CARMIL2: variants seen among roughly 807,000 people sequenced by gnomAD.
CARMIL2 encodes capping protein, Arp2/3 and myosin-I linker protein 2.
Under a neutral mutation model 173.3 loss-of-function variants are expected in CARMIL2, and 96 were observed. The ratio of observed to expected loss-of-function variants is 0.55; its 90% CI spans 0.47 to 0.66. CARMIL2 has a LOEUF of 0.66. Among genes scored for constraint, CARMIL2 ranks in the 30% least tolerant of loss-of-function variants. CARMIL2 has a pLI of 0.00. For missense variants in CARMIL2, 1,771 were observed against 1,906.7 expected, an observed-to-expected ratio of 0.93 and a Z score of 1.33; for synonymous variants, 830 against 817.1, an observed-to-expected ratio of 1.02 and a Z score of -0.27.
intron 22 of CARMIL2, chr16:67,650,412 TC>T (rs2052702270): frequency 1.8e-6 from 1 of 541,150 alleles, no homozygotes. Flanking sequence ...TCCTCAATTT[TC>T]CCCCAATTGT....
intron 32 of CARMIL2, among the ~76,000 whole-genome samples, chr16:67,655,548 G>A (rs368211416): frequency 2.0e-5 from 3 of 152,256 alleles, no homozygotes; most frequent in African/African-American, 4.8e-5. Context: ...GCCCTGTGGG[G>A]TCTTGGCCCT....
rs538577813 is a variant in CARMIL2 at position 67,645,318 on chromosome 16, G to A, written c.40+32G>A. ...GCTGGCCCTTCCTGCCTTCTTGGCC[G>A]GGAGGAAGTAGTGCAGCCCCAAAAT... On this transcript the variant is annotated intron_variant, in intron 1 of 37. Transcript: ENST00000334583. The A allele has an allele frequency of 5.9e-5, 93 of 1,587,728 alleles. No homozygotes were observed. In the African/African-American group the frequency reaches 1.0e-3, roughly 18 times the overall value.
Position 67,649,028 on chromosome 16 carries a change from A to G in CARMIL2, c.1592-48A>G, listed in dbSNP as rs1276931571. 6.2e-7 allele frequency: 1 copy of G among 1,602,880 alleles called. No homozygotes were observed. The highest frequency in any genetic ancestry group is 1.1e-5 in the South Asian group (1 of 89,120). On this transcript the variant is annotated intron_variant, in intron 17 of 37. Transcript: ENST00000334583. This position sits in a 1 kb window ranked among gnomAD's most constrained non-coding sequence, Gnocchi z 6.7. ...ATCATCCACTCGATTCCCAATCCCC[A>G]CCCTACCCTTGCAACTTCGCCTCGT...
rs748947520 is a variant in CARMIL2, at chr16:67,646,904, T to A, written c.542T>A (p.Val181Glu). Residue 181 changes from valine (V) to glutamate (E), a missense_variant, in exon 8 of 38, where the codon GTG becomes GAG. Physicochemically the swap from Val to Glu is moderately radical, Grantham distance 121 (BLOSUM62 -2). Transcript: ENST00000334583. This position sits in a 1 kb window ranked among gnomAD's most constrained non-coding sequence, Gnocchi z 4.6. ...FPFREEIQWD[V>E]DTIYHRQGCR... ...AAGCATCTCCTTCTCACCCAGGACGTGGACACCATTTACCATCGCCAGGGC... is the reference window on the plus strand; with the variant it reads ...AAGCATCTCCTTCTCACCCAGGACGAGGACACCATTTACCATCGCCAGGGC... 5 of 1,613,776 alleles carry A rather than the reference T, an allele frequency of 3.1e-6. No homozygotes were observed. The highest frequency in any genetic ancestry group is 3.4e-6 in the Non-Finnish European group (4 of 1,179,884).
chr16:67,653,073 C>G lies in CARMIL2; in HGVS notation c.2939C>G (p.Ala980Gly). 8.0e-7 allele frequency: 1 copy of G among 1,249,342 alleles called. No homozygotes were observed. Among genetic ancestry groups the G allele is most frequent in the South Asian group, 1.6e-5 (1 of 63,038 alleles). The allele number at this position is 1,249,342 out of a possible 1,614,324, so 77.4% of individuals were successfully genotyped here. The change falls in exon 29 of 38, where the codon GCA becomes GGA. Residue 980 changes from alanine to glycine, a missense_variant. By Grantham distance (60) the Ala-to-Gly change is moderately conservative (BLOSUM62 0). This residue lies in a region of CARMIL2 where 817 missense variants were observed against 903.5 expected (regional missense o/e 0.90). Transcript: ENST00000334583. This position sits in a 1 kb window ranked among gnomAD's most constrained non-coding sequence, Gnocchi z 7.4. ...EPELAAPGED[A>G]EPQAGPSARG... ...GAGCTGGCGGCTCCGGGAGAAGATG[C>G]AGAGCCGCAGGCGGGGCCGTCCGCG... is the stretch of plus-strand genomic sequence containing the variant.
Position 67,647,343 on chromosome 16 carries a change from A to G in CARMIL2, c.732A>G (p.Ser244=), listed in dbSNP as rs1412579728. ...SEQILHMMSQ[S]SHLEELVLET... is the part of the protein sequence containing the mutation. Reference sequence around the variant, plus strand: ...AGATTCTGCACATGATGAGTCAGTCATCACACCTGGAGGAGCTGGTGCTGG... The same window carrying G: ...AGATTCTGCACATGATGAGTCAGTCGTCACACCTGGAGGAGCTGGTGCTGG... The change falls in exon 10 of 38, where the codon TCA becomes TCG. Residue 244 remains serine (S), a synonymous_variant. Coordinates refer to ENST00000334583, the MANE Select transcript of CARMIL2 (RefSeq NM_001013838.3). 6.3e-7 allele frequency: 1 copy of G among 1,589,864 alleles called. No individual in the cohort carries two copies.
Position 67,652,407 on chromosome 16 carries a change from T to A in CARMIL2, c.2818-65T>A. On this transcript the variant is annotated intron_variant, in intron 27 of 37. Coordinates refer to ENST00000334583, the MANE Select transcript of CARMIL2 (RefSeq NM_001013838.3). This position sits in a 1 kb window ranked among gnomAD's most constrained non-coding sequence, Gnocchi z 4.7. ...CCATCTTGCTGTGGAGTGTGGAAGG[T>A]GAAAGGCAGCTCTTTTGGGTTGGTG... is the stretch of plus-strand genomic sequence containing the variant. 1.2e-6 allele frequency: 2 copies of A among 1,611,492 alleles called. No homozygotes were observed. Among genetic ancestry groups the A allele is most frequent in the South Asian group, 2.2e-5 (2 of 90,860 alleles).
At position 67,652,139 on chromosome 16, in the gene CARMIL2, A is replaced by T; in HGVS notation, c.2677-60A>T. 1 of 1,599,482 alleles carries T rather than the reference A, an allele frequency of 6.3e-7. No homozygotes were observed. ...GGGCTATTTCAGGGTCCCCTTAGTT[A>T]GCATCAATGGGATCATGGCTGAGGC... On this transcript the variant is annotated intron_variant, in intron 26 of 37. Transcript: ENST00000334583. The surrounding 1 kb of genome is among the most constrained non-coding windows in gnomAD (Gnocchi z 4.7).
Position 67,652,404 on chromosome 16 carries a change from A to C in CARMIL2, c.2817+65A>C. On this transcript the variant is annotated intron_variant, in intron 27 of 37. Transcript: ENST00000334583. The surrounding 1 kb of genome is among the most constrained non-coding windows in gnomAD (Gnocchi z 4.7). ...TTCCCATCTTGCTGTGGAGTGTGGA[A>C]GGTGAAAGGCAGCTCTTTTGGGTTG... 1 of 1,611,726 alleles carries C rather than the reference A, an allele frequency of 6.2e-7. No homozygotes were observed. The highest frequency in any genetic ancestry group is 2.2e-5 in the East Asian group (1 of 44,840).
chr16:67,649,410 C>T lies in CARMIL2; in HGVS notation c.1747-37C>T, dbSNP rs769951445. On this transcript the variant is annotated intron_variant, in intron 19 of 37. Coordinates refer to ENST00000334583, the MANE Select transcript of CARMIL2 (RefSeq NM_001013838.3). This position sits in a 1 kb window ranked among gnomAD's most constrained non-coding sequence, Gnocchi z 6.7. ...CCCTGTGACCTGCCCTCACTGACCC[C>T]TGACTCCAGCCATCAATGGCTTTCT... 4 of 1,611,408 alleles carry T rather than the reference C, an allele frequency of 2.5e-6. No homozygotes were observed. The highest frequency in any genetic ancestry group is 3.4e-6 in the Non-Finnish European group (4 of 1,179,758).
Position 67,652,313 on chromosome 16 carries a change from G to A in CARMIL2, c.2791G>A (p.Glu931Lys), listed in dbSNP as rs544310122. The A allele has an allele frequency of 1.9e-6, 3 of 1,613,144 alleles. No individual in the cohort carries two copies. Among genetic ancestry groups the A allele is most frequent in the Admixed American group, 1.7e-5 (1 of 60,008 alleles). Residue 931 changes from glutamate (E) to lysine (K), a missense_variant, in exon 27 of 38, where the codon GAG (glutamate) becomes AAG (lysine). Physicochemically the swap from Glu to Lys is moderately conservative, Grantham distance 56. This residue lies in a region of CARMIL2 where 817 missense variants were observed against 903.5 expected (regional missense o/e 0.90). Coordinates refer to ENST00000334583, the MANE Select transcript of CARMIL2 (RefSeq NM_001013838.3). This position sits in a 1 kb window ranked among gnomAD's most constrained non-coding sequence, Gnocchi z 4.7. ...PGELEGLFFP[E>K]EKEEEKEKDD... ...GGAATTGGAAGGTCTTTTCTTCCCCGAGGAGAAGGAAGAGGAGAAGGAGAA... is the reference window on the plus strand; with the variant it reads ...GGAATTGGAAGGTCTTTTCTTCCCCAAGGAGAAGGAAGAGGAGAAGGAGAA...
chr16:67,650,212 C>G, intron 22 of CARMIL2, 62 bp downstream of exon 22: 1 of 1,403,580 alleles, frequency 7.1e-7, no homozygotes, highest in Non-Finnish European at 9.8e-7. Context: ...CATCCGGGAG[C>G]CTCCATGAGT....
Position 67,646,050 on chromosome 16 carries a change from G to A in CARMIL2, c.219G>A (p.Gln73=). The change falls in exon 4 of 38, where the codon CAG becomes CAA. Residue 73 remains glutamine, a synonymous_variant. Transcript: ENST00000334583. This position sits in a 1 kb window ranked among gnomAD's most constrained non-coding sequence, Gnocchi z 4.6. The part of the protein sequence containing the change: ...VDCTFSYLEV[Q]AMALQETPPQ... ...GCACGTTCAGCTACCTGGAGGTCCAGGCCATGGCGCTGCAGGAGACACCCC... is the reference window on the plus strand; with the variant it reads ...GCACGTTCAGCTACCTGGAGGTCCAAGCCATGGCGCTGCAGGAGACACCCC... The A allele has an allele frequency of 6.2e-7, 1 of 1,613,790 alleles. No homozygotes were observed. Among genetic ancestry groups the A allele is most frequent in the Non-Finnish European group, 8.5e-7 (1 of 1,179,884 alleles).
chr16:67,645,300 C>A lies in CARMIL2; in HGVS notation c.40+14C>A, dbSNP rs1249566288. The A allele has an allele frequency of 1.9e-6, 3 of 1,601,070 alleles. No homozygotes were observed. The highest frequency in any genetic ancestry group is 2.6e-6 in the Non-Finnish European group (3 of 1,174,426). ...GTGAGCTCCGAGGTAAGCGCTGGCC[C>A]TTCCTGCCTTCTTGGCCGGGAGGAA... On this transcript the variant is annotated intron_variant, in intron 1 of 37. Coordinates refer to ENST00000334583, the MANE Select transcript of CARMIL2 (RefSeq NM_001013838.3).
chr16:67,654,988 CAGAT>C, intron 32 of CARMIL2, 88 bp downstream of exon 32: 3 of 1,502,164 alleles, frequency 2.0e-6, no homozygotes, highest in East Asian at 2.3e-5. Flanking sequence ...AGACTCATGA[CAGAT>C]AGGTCTAATT....
At position 67,653,887 on chromosome 16, in the gene CARMIL2, G is replaced by A. The variant is rs1488219773; in HGVS notation, c.3121-262G>A. ...GAGGGCTAGGTTTGCTGGTGACCGG[G>A]TGGCTCGGGCGTGTAGGATACTCTG... On this transcript the variant is annotated intron_variant, in intron 29 of 37. Transcript: ENST00000334583. The surrounding 1 kb of genome is among the most constrained non-coding windows in gnomAD (Gnocchi z 7.4). 6.6e-6 allele frequency among the ~76,000 whole-genome samples: 1 copy of A among 152,138 alleles called. No individual in the cohort carries two copies. Among genetic ancestry groups the A allele is most frequent in the Non-Finnish European group, 1.5e-5 (1 of 68,004 alleles).
In CARMIL2 at chr16:67,647,172, C is replaced by G. The variant is rs1274384597; in HGVS notation, c.668C>G (p.Ser223Cys). 5 of 1,613,878 alleles carry G rather than the reference C, an allele frequency of 3.1e-6. No individual in the cohort carries two copies. Among genetic ancestry groups the G allele is most frequent in the Non-Finnish European group, 4.2e-6 (5 of 1,179,880 alleles). ...LSYNLWFRCL[S>C]CVDMKLSLEV... is the part of the protein sequence containing the mutation. The stretch of plus-strand genomic sequence containing the variant: ...TACAACCTGTGGTTCCGGTGCCTCT[C>G]CTGTGTGGACATGAAGCTGGTGAGG... Residue 223 changes from serine (S) to cysteine (C), a missense_variant, in exon 9 of 38, where the codon TCC (serine) becomes TGC (cysteine). Around this residue, in one of 3 missense-constraint regions of CARMIL2, gnomAD observed 944 missense variants for 975.6 expected, o/e 0.97. Coordinates refer to ENST00000334583, the MANE Select transcript of CARMIL2 (RefSeq NM_001013838.3).
chr16:67,645,908 C>A, intron 3 of CARMIL2, 110 bp from the exon 4 acceptor site: 1 of 1,557,432 alleles, frequency 6.4e-7, no homozygotes, highest in Non-Finnish European at 8.8e-7. Flanking sequence ...GGGCAGCCGA[C>A]AGGAGGGGAG....
In CARMIL2 at chr16:67,649,930, C is replaced by G. The variant is rs779829689; in HGVS notation, c.2044C>G (p.Arg682Gly). ...LPLNDVAQAQ[R>G]SRPELTARAV... ...ACTGAACGACGTGGCCCAGGCGCAG[C>G]GCAGCCGCCCGGAACTGACAGCACG... The change falls in exon 21 of 38, where the codon CGC (arginine) becomes GGC (glycine). Residue 682 changes from arginine (R) to glycine (G), a missense_variant. Physicochemically the swap from Arg to Gly is moderately radical, Grantham distance 125. Around this residue, in one of 3 missense-constraint regions of CARMIL2, gnomAD observed 944 missense variants for 975.6 expected, o/e 0.97. Transcript: ENST00000334583. This position sits in a 1 kb window ranked among gnomAD's most constrained non-coding sequence, Gnocchi z 6.7. The G allele has an allele frequency of 2.8e-5, 45 of 1,613,086 alleles. No individual in the cohort carries two copies. The highest frequency in any genetic ancestry group is 3.6e-5 in the Non-Finnish European group (42 of 1,179,830).
Sources: allele counts gnomAD v4.1 joint callset (sites outside exome capture counted in the v4.1 genomes callset), GRCh38; gene constraint gnomAD v4.1.1; regional missense constraint gnomAD v4.1.1; non-coding constraint Gnocchi (gnomAD v3.1); transcripts MANE v1.5; gene names NCBI Gene and HGNC (gene_info 2026-07-23, HGNC 2026-07-21).